STRN3: variants seen among roughly 807,000 people sequenced by gnomAD.
The protein encoded by STRN3 is striatin-3.
A neutral mutation model predicts 95.6 loss-of-function variants in STRN3; 29 were observed. That is an observed-to-expected ratio of 0.30 (90% CI 0.23 to 0.41). STRN3 has a LOEUF of 0.41. Ranked by LOEUF, STRN3 falls within the 10% of genes least tolerant of loss-of-function variation. The probability of loss-of-function intolerance (pLI) is 1.00; values close to 1 mark genes in which losing one functional copy is unlikely to be tolerated. For synonymous variants in STRN3, 331 were observed against 357.6 expected (o/e 0.93, Z 0.84); for missense variants, 890 against 972.1 (o/e 0.92, Z 1.12).
chr14:30,923,961 A>C (rs141587826), intron 8 of STRN3, among the ~76,000 whole-genome samples: 1 of 152,200 alleles, frequency 6.6e-6, no homozygotes, highest in African/African-American at 2.4e-5. Context: ...GACCTTAAAA[A>C]GTTAGAAAAA....
At chr14:30,909,738 A>G (rs377515111) in intron 13 of STRN3, among the ~76,000 whole-genome samples, 3 of 152,184 alleles carry the variant, frequency 2.0e-5, no homozygotes, top group East Asian at 1.9e-4. Context: ...TCGGCCTCCC[A>G]AAGTGGTGGG....
intron 8 of STRN3, among the ~76,000 whole-genome samples, chr14:30,928,987 T>C (rs2139047650): frequency 6.6e-6 from 1 of 152,308 alleles, no homozygotes; most frequent in Admixed American, 6.5e-5. Context: ...ATCTTTCCTT[T>C]ACCCTTCTCA....
intron 1 of STRN3, among the ~76,000 whole-genome samples, chr14:31,011,829 C>T (rs1039655337): frequency 6.6e-6 from 1 of 151,900 alleles, no homozygotes; most frequent in African/African-American, 2.4e-5. Context: ...GATGTAATCC[C>T]AGCACTTTGG....
intron 5 of STRN3, among the ~76,000 whole-genome samples, chr14:30,941,464 C>A (rs933369120): frequency 6.6e-6 from 1 of 152,148 alleles, no homozygotes; most frequent in African/African-American, 2.4e-5. Context: ...TACAACCCTG[C>A]TGTTTTCATT....
intron 1 of STRN3, chr14:31,018,535 CA>C (rs1308867703): frequency 2.3e-6 from 1 of 433,498 alleles, no homozygotes; most frequent in Non-Finnish European, 4.6e-6. Context: ...TGGTAAAGGA[CA>C]TCCTGGCTGA....
chr14:30,917,380 A>C (rs557256734), intron 9 of STRN3, among the ~76,000 whole-genome samples: 12 of 152,248 alleles, frequency 7.9e-5, no homozygotes. Context: ...TTTTCCGTTA[A>C]GTCATTGGTT....
At chr14:31,015,094 GCTGGGA>G (rs1294645067) in intron 1 of STRN3, among the ~76,000 whole-genome samples, 1 of 152,162 alleles carries the variant, frequency 6.6e-6, no homozygotes, top group Non-Finnish European at 1.5e-5. Context: ...CTCCCAAAGT[GCTGGGA>G]CTACAAGCGT....
At chr14:30,975,438 C>G (rs1202323592) in intron 1 of STRN3, among the ~76,000 whole-genome samples, 1 of 150,738 alleles carries the variant, frequency 6.6e-6, no homozygotes, top group Non-Finnish European at 1.5e-5. Flanking sequence ...AAAGACTACA[C>G]AATGGTTACA....
rs181256138 is a variant in STRN3, at chr14:30,946,311, G to A, written c.716+779C>T. Among the ~76,000 whole-genome samples, 20 of 152,242 alleles carry A rather than the reference G, an allele frequency of 1.3e-4. No homozygotes were observed. The East Asian group carries it at 3.7e-3, about 28-fold the overall frequency. On this transcript the variant is annotated intron_variant, in intron 5 of 17. Coordinates refer to ENST00000357479, the MANE Select transcript of STRN3 (RefSeq NM_001083893.2). Reference sequence around the variant, plus strand: ...TAATCCCAGCACTTTTGGAGGCTGAGGCGGGCAGGCTGTTTAAGGCCAGGA... The same window carrying A: ...TAATCCCAGCACTTTTGGAGGCTGAAGCGGGCAGGCTGTTTAAGGCCAGGA...
Position 30,905,489 on chromosome 14 carries a change from G to T in STRN3, c.1958C>A (p.Thr653Asn). The T allele has an allele frequency of 2.5e-6, 4 of 1,610,370 alleles. No individual in the cohort carries two copies. The East Asian group carries it at 6.7e-5, about 27-fold the overall frequency. Residue 653 changes from threonine (T) to asparagine (N), a missense_variant, in exon 15 of 18, where the codon ACT (threonine) becomes AAT (asparagine). Transcript: ENST00000357479. ...TAAATCATAAATTACTGCACTACCAGTGTTGAAAGAGGTTACCATATGAGC... is the reference window on the plus strand; with the variant it reads ...TAAATCATAAATTACTGCACTACCATTGTTGAAAGAGGTTACCATATGAGC... ...DPAHMVTSFN[T>N]GSAVIYDLET...
intron 1 of STRN3, among the ~76,000 whole-genome samples, chr14:30,973,266 A>G (rs1054605826): frequency 0.039 from 4 of 102 alleles, no homozygotes; most frequent in African/African-American, 0.059. Context: ...ACAGAATAGA[A>G]AAAAAAAATT....
intron 1 of STRN3, among the ~76,000 whole-genome samples, chr14:31,014,052 C>T (rs1459660113): frequency 1.3e-5 from 2 of 151,776 alleles, no homozygotes; most frequent in Non-Finnish European, 2.9e-5. Context: ...ACAGGTACAA[C>T]ACCATTGTGT....
chr14:30,941,025 C>T (rs1879066320), intron 5 of STRN3, among the ~76,000 whole-genome samples: 1 of 152,120 alleles, frequency 6.6e-6, no homozygotes. Flanking sequence ...ATAAAAGAGG[C>T]CCAAAGGAGC....
At chr14:30,978,617 G>C (rs1881232056) in intron 1 of STRN3, among the ~76,000 whole-genome samples, 1 of 152,286 alleles carries the variant, frequency 6.6e-6, no homozygotes, top group East Asian at 1.9e-4. Context: ...CCTAGCTAAT[G>C]CAAGAGATGA....
intron 3 of STRN3, among the ~76,000 whole-genome samples, chr14:30,954,796 G>A (rs937217910): frequency 4.6e-5 from 7 of 151,890 alleles, no homozygotes; most frequent in African/African-American, 1.7e-4. Context: ...AGCCTCTACT[G>A]CAGGCTCAGT....
At chr14:30,966,163 T>G (rs908899603) in intron 1 of STRN3, among the ~76,000 whole-genome samples, 1 of 152,110 alleles carries the variant, frequency 6.6e-6, no homozygotes. Context: ...CGGAATTAGT[T>G]TAGCCTGTGC....
rs575418646 is a variant in STRN3 at position 30,980,915 on chromosome 14, T to TA, written c.283-24674dup. On this transcript the variant is annotated intron_variant, in intron 1 of 17. Coordinates refer to ENST00000357479, the MANE Select transcript of STRN3 (RefSeq NM_001083893.2). The stretch of plus-strand genomic sequence containing the variant: ...ACTCAGAAGCAAACATCCAAGGAAT[T>TA]AAAAAAAAAACTTAAATATTTTAGC... 5.2e-3 allele frequency among the ~76,000 whole-genome samples: 771 copies of TA among 148,740 alleles called. 5 individuals are homozygous for TA. Among genetic ancestry groups the TA allele is most frequent in the African/African-American group, 0.014 (558 of 40,602 alleles).
At chr14:30,975,307 G>A (rs1241528041) in intron 1 of STRN3, among the ~76,000 whole-genome samples, 1 of 151,496 alleles carries the variant, frequency 6.6e-6, no homozygotes, top group East Asian at 1.9e-4. Context: ...ACTCAGGAAT[G>A]GAAAACCAAG....
intron 7 of STRN3, among the ~76,000 whole-genome samples, chr14:30,934,357 C>T (rs1364351197): frequency 6.6e-6 from 1 of 151,574 alleles, no homozygotes; most frequent in Non-Finnish European, 1.5e-5. Flanking sequence ...TAATAACAAC[C>T]TTCTCCAATA....
Sources: gnomAD v4.1 joint callset for allele counts (sites outside exome capture counted in the v4.1 genomes callset) on GRCh38, gnomAD v4.1.1 for gene constraint, MANE v1.5 for transcripts, NCBI Gene and HGNC (gene_info 2026-07-23, HGNC 2026-07-21) for gene names.